ATP13A3: variants seen among roughly 807,000 people sequenced by gnomAD.
The protein encoded by ATP13A3 is ATPase 13A3, also known as polyamine-transporting ATPase 13A3.
ATP13A3 carries 59 observed loss-of-function variants against 158.1 expected under a neutral mutation model. That is an observed-to-expected ratio of 0.37 (90% CI 0.30 to 0.46). The LOEUF (loss-of-function observed/expected upper bound fraction) is 0.46, where lower values mean the gene tolerates loss of function less well. Ranked by LOEUF, ATP13A3 falls within the 20% of genes least tolerant of loss-of-function variation. ATP13A3 has a pLI of 1.00. For synonymous variants in ATP13A3, 491 were observed against 504.3 expected (o/e 0.97, Z 0.35); for missense variants, 1,166 against 1,525.2 (o/e 0.76, Z 3.92).
At chr3:194,456,783 C>A in intron 7 of ATP13A3, among the ~76,000 whole-genome samples, 1 of 152,138 alleles carries the variant, frequency 6.6e-6, no homozygotes, top group Middle Eastern at 3.4e-3. Flanking sequence ...CTATCAAGAA[C>A]GACACTTCAC....
At position 194,460,675 on chromosome 3, in the gene ATP13A3, C is replaced by T. The variant is rs993638271; in HGVS notation, c.208G>A (p.Val70Met). 6.2e-7 allele frequency: 1 copy of T among 1,613,954 alleles called. No individual in the cohort carries two copies. The highest frequency in any genetic ancestry group is 1.3e-5 in the African/African-American group (1 of 74,946). Residue 70 changes from valine to methionine, a missense_variant, in exon 4 of 34, where the codon GTG becomes ATG. Physicochemically the swap from Val to Met is conservative, Grantham distance 21. Coordinates refer to ENST00000645319, the MANE Select transcript of ATP13A3 (RefSeq NM_001367549.1). ...VRAAIKDCEV[V>M]LLRTTDEFKM... ...AAACTTACAGTAGTCCTCAGCAGCA[C>T]TACTTCACAGTCTTTAATTGCAGCT...
chr3:194,483,317 C>T (rs981901714), intron 2 of ATP13A3, among the ~76,000 whole-genome samples: 3 of 149,268 alleles, frequency 2.0e-5, no homozygotes, highest in Non-Finnish European at 3.0e-5. Flanking sequence ...GGACGGGGTG[C>T]AGTGATAAAT....
Position 194,433,905 on chromosome 3 carries a change from A to G in ATP13A3, c.2121-9T>C. Reference sequence around the variant, plus strand: ...TGTTCTCAATTGCATCTCTGCAGAAAAAGAAGTTTTAACACATAATGGTTT... The same window carrying G: ...TGTTCTCAATTGCATCTCTGCAGAAGAAGAAGTTTTAACACATAATGGTTT... On this transcript the variant is annotated splice_polypyrimidine_tract_variant and intron_variant, in intron 20 of 33. Transcript: ENST00000645319. 6.2e-7 allele frequency: 1 copy of G among 1,612,852 alleles called. No individual in the cohort carries two copies. Among genetic ancestry groups the G allele is most frequent in the Middle Eastern group, 1.7e-4 (1 of 6,048 alleles).
chr3:194,433,260 G>A (rs371082788), intron 21 of ATP13A3, among the ~76,000 whole-genome samples: 15 of 125,624 alleles, frequency 1.2e-4, no homozygotes, highest in African/African-American at 2.6e-4. Context: ...TTTTTGAGAC[G>A]GAGTCTCGCT....
intron 33 of ATP13A3, among the ~76,000 whole-genome samples, chr3:194,407,997 C>T (rs1715067418): frequency 6.6e-6 from 1 of 151,060 alleles, no homozygotes; most frequent in South Asian, 2.1e-4. Flanking sequence ...ACCACTGTTC[C>T]TAAATCAATT....
At chr3:194,447,361 C>T (rs1046407933) in intron 13 of ATP13A3, among the ~76,000 whole-genome samples, 13 of 152,182 alleles carry the variant, frequency 8.5e-5, no homozygotes, top group African/African-American at 3.1e-4. Context: ...ATTTTCAAGG[C>T]GCTACATACT....
At position 194,431,238 on chromosome 3, in the gene ATP13A3, A is replaced by G; in HGVS notation, c.2422-12T>C. The stretch of plus-strand genomic sequence containing the variant: ...TTAACCGGAATAGCCTGTGTATATG[A>G]GACATTGGGAACAATATTTAGGCAA... On this transcript the variant is annotated splice_polypyrimidine_tract_variant and intron_variant, in intron 22 of 33. Transcript: ENST00000645319. 1 of 1,582,588 alleles carries G rather than the reference A, an allele frequency of 6.3e-7. No homozygotes were observed. The highest frequency in any genetic ancestry group is 8.6e-7 in the Non-Finnish European group (1 of 1,158,468).
At chr3:194,435,706 A>C (rs1254394873) in intron 20 of ATP13A3, among the ~76,000 whole-genome samples, 1 of 152,180 alleles carries the variant, frequency 6.6e-6, no homozygotes, top group Non-Finnish European at 1.5e-5. Flanking sequence ...CAGGAGTTCG[A>C]GACCAGCCTG....
At chr3:194,415,282 G>A (rs555116072) in intron 31 of ATP13A3, among the ~76,000 whole-genome samples, 131 of 152,314 alleles carry the variant, frequency 8.6e-4, no homozygotes, top group Non-Finnish European at 1.5e-3. Context: ...CTTGCTGAGG[G>A]CCGTTTCAGT....
intron 8 of ATP13A3, among the ~76,000 whole-genome samples, chr3:194,454,815 C>A (rs1426158351): frequency 4.0e-5 from 6 of 148,228 alleles, no homozygotes; most frequent in Non-Finnish European, 8.9e-5. Context: ...CAGAGCGAGA[C>A]TCCGTCTCAA....
chr3:194,457,820 T>C (rs1296497445), intron 6 of ATP13A3, among the ~76,000 whole-genome samples: 1 of 148,904 alleles, frequency 6.7e-6, no homozygotes, highest in Non-Finnish European at 1.5e-5. Context: ...GGAGTTTTGC[T>C]CTGTCGCCAG....
chr3:194,460,091 C>T (rs747694511), intron 4 of ATP13A3, 120 bp from the exon 5 acceptor site: 45 of 761,762 alleles, frequency 5.9e-5, no homozygotes, highest in African/African-American at 7.0e-5. Flanking sequence ...GGAAACATCA[C>T]GCCTACTCAC....
At chr3:194,453,225 G>C (rs1033416052) in intron 10 of ATP13A3, among the ~76,000 whole-genome samples, 5 of 149,548 alleles carry the variant, frequency 3.3e-5, no homozygotes, top group Admixed American at 1.3e-4. Flanking sequence ...TGAGACAGGA[G>C]GGTAAGTTGA....
chr3:194,441,543 AT>A, intron 15 of ATP13A3, 82 bp from the exon 16 acceptor site: 1 of 1,288,876 alleles, frequency 7.8e-7, no homozygotes, highest in African/African-American at 1.6e-5. Flanking sequence ...TGGTTTTGTA[AT>A]TAAAAAAAAA....
chr3:194,460,931 T>C lies in ATP13A3; in HGVS notation c.52-100A>G, dbSNP rs534565334. 2.3e-3 allele frequency: 2,897 copies of C among 1,263,042 alleles called. 10 individuals carry two copies. Among genetic ancestry groups the C allele is most frequent in the Non-Finnish European group, 2.9e-3 (2,682 of 923,430 alleles). The allele number at this position is 1,263,042 out of a possible 1,614,324, so 78.2% of individuals were successfully genotyped here. A position where few individuals can be genotyped will look rare whatever the true frequency, so the allele number is the denominator to read the frequency against. ...TCTTTGTTTTCCAGATAGGTATTTA[T>C]TGTCTTGTCACATAAACTGTAAATA... On this transcript the variant is annotated intron_variant, in intron 3 of 33. Transcript: ENST00000645319.
intron 13 of ATP13A3, among the ~76,000 whole-genome samples, chr3:194,447,343 CTT>C (rs1718474485): frequency 6.6e-6 from 1 of 152,040 alleles, no homozygotes; most frequent in South Asian, 2.1e-4. Context: ...TCAAAAGAAA[CTT>C]ATCTCATTTT....
At chr3:194,438,599 C>G (rs1717826396) in intron 17 of ATP13A3, among the ~76,000 whole-genome samples, 1 of 152,116 alleles carries the variant, frequency 6.6e-6, no homozygotes, top group African/African-American at 2.4e-5. Context: ...AAATAAAGGA[C>G]TTGTGACTTC....
chr3:194,412,447 T>C (rs1294068117), intron 32 of ATP13A3, 159 bp from the exon 33 acceptor site: 4 of 586,538 alleles, frequency 6.8e-6, no homozygotes, highest in Non-Finnish European at 1.2e-5. Context: ...TGATCAAGAA[T>C]GATAGGACTT....
At chr3:194,459,994 G>A (rs772371224) in intron 4 of ATP13A3, 23 bp from the exon 5 acceptor site, 11 of 1,559,682 alleles carry the variant, frequency 7.1e-6, no homozygotes, top group East Asian at 2.3e-5. Flanking sequence ...AAGGGATAAC[G>A]GTAAGGAGTC....
Sources: allele counts gnomAD v4.1 joint callset (sites outside exome capture counted in the v4.1 genomes callset), GRCh38; gene constraint gnomAD v4.1.1; transcripts MANE v1.5; gene names NCBI Gene and HGNC (gene_info 2026-07-23, HGNC 2026-07-21).